DMD: variants seen among roughly 807,000 people sequenced by gnomAD.
DMD encodes dystrophin, also known as mutant dystrophin.
DMD carries 63 observed loss-of-function variants against 330.1 expected under a neutral mutation model. The ratio of observed to expected loss-of-function variants is 0.19; its 90% confidence interval spans 0.16 to 0.24. The LOEUF (loss-of-function observed/expected upper bound fraction) is 0.24, where lower values mean the gene tolerates loss of function less well. Ranked by LOEUF, DMD falls within the 10% of genes least tolerant of loss-of-function variation. The probability of loss-of-function intolerance (pLI) is 1.00; values close to 1 mark genes in which losing one functional copy is unlikely to be tolerated. For synonymous variants in DMD, 1,223 were observed against 959.8 expected, an observed-to-expected ratio of 1.27 and a Z score of -5.07; for missense variants, 3,344 against 2,684.1, an observed-to-expected ratio of 1.25 and a Z score of -5.43.
chrX:32,411,141 T>C (rs1230193918), intron 30 of DMD, among the ~76,000 whole-genome samples: 2 of 110,766 alleles, frequency 1.8e-5, no homozygotes, highest in East Asian at 2.9e-4. Context: ...TTTTCTTTTT[T>C]TCTTTTTATA....
At chrX:31,869,104 T>C (rs1603504596) in intron 48 of DMD, among the ~76,000 whole-genome samples, 1 of 111,863 alleles carries the variant, frequency 8.9e-6, no homozygotes, top group East Asian at 2.8e-4. Context: ...CAGTACAGTA[T>C]CGTTAACTAT....
chrX:32,458,314 G>A (rs1336869079), intron 25 of DMD, among the ~76,000 whole-genome samples: 2 of 111,264 alleles, frequency 1.8e-5, no homozygotes, highest in Admixed American at 9.6e-5. Context: ...GTTCATCTAT[G>A]CTGCTGCAAA....
At chrX:32,836,928 C>G (rs1260123816) in intron 4 of DMD, among the ~76,000 whole-genome samples, 1 of 111,632 alleles carries the variant, frequency 9.0e-6, no homozygotes, top group African/African-American at 3.3e-5. Flanking sequence ...AAGTTTACGA[C>G]GAAGAGCAGA....
chrX:32,029,888 A>T (rs1029789808), intron 44 of DMD, among the ~76,000 whole-genome samples: 8 of 111,693 alleles, frequency 7.2e-5, no homozygotes, highest in Non-Finnish European at 1.5e-4. Flanking sequence ...TGTGCTCATT[A>T]TCCACTAGTT....
chrX:32,702,401 A>G (rs1337868750), intron 7 of DMD, among the ~76,000 whole-genome samples: 1 of 111,535 alleles, frequency 9.0e-6, no homozygotes, highest in African/African-American at 3.3e-5. Flanking sequence ...GAATATGTAG[A>G]ATAAACATGC....
chrX:31,321,583 C>CAAAAAAAAAAAAAAAAAAAAAAA (rs1190446358), intron 62 of DMD, among the ~76,000 whole-genome samples: 1 of 10,472 alleles, frequency 9.5e-5, no homozygotes, highest in Non-Finnish European at 1.5e-4. Flanking sequence ...AACTCCATCT[C>CAAAAAAAAAAAAAAAAAAAAAAA]AAAAAAAAAA....
Position 32,605,385 on chromosome X carries a change from C to A in DMD, c.1482+8918G>T, listed in dbSNP as rs1417902402. 2.7e-5 allele frequency among the ~76,000 whole-genome samples: 3 copies of A among 110,125 alleles called. No homozygotes were observed. The Admixed American group carries it at 2.9e-4, about 11-fold the overall frequency. The stretch of plus-strand genomic sequence containing the variant: ...AGAATGAAACTGGGTCATAAATCAC[C>A]ATATACAAAAATTAACTCAAAATGT... On this transcript the variant is annotated intron_variant, in intron 12 of 78. Transcript: ENST00000357033.
At position 32,573,566 on chromosome X, in the gene DMD, A is replaced by C. The variant is rs768672229; in HGVS notation, c.1776T>G (p.Asp592Glu). The change falls in exon 15 of 79, where the codon GAT becomes GAG. Residue 592 changes from aspartate to glutamate, a missense_variant. Transcript: ENST00000357033. ...GAAGACTTGATAACATTTCATTTTG[A>C]TCTTTAAAGCCAGTTGTGTGAATCT... ...VNKIHTTGFK[D>E]QNEMLSSLQK... 1.1e-5 allele frequency: 13 copies of C among 1,210,293 alleles called. 1 individual carries two copies. The Admixed American group carries it at 2.6e-4, about 24-fold the overall frequency.
intron 65 of DMD, among the ~76,000 whole-genome samples, chrX:31,207,545 G>T (rs2148573526): frequency 8.9e-6 from 1 of 112,148 alleles, no homozygotes; most frequent in Non-Finnish European, 1.9e-5. Context: ...ATACCATGCA[G>T]CTATAAAAAA....
rs910934007 is a variant in DMD at position 32,864,162 on chromosome X, C to A, written c.94-14342G>T. Reference sequence around the variant, plus strand: ...CTCTACCTCATGTATCAGAAAGATGCGAGTTACACACATCGACTGGTTTAT... The same window carrying A: ...CTCTACCTCATGTATCAGAAAGATGAGAGTTACACACATCGACTGGTTTAT... On this transcript the variant is annotated intron_variant, in intron 2 of 78. Coordinates refer to ENST00000357033, the MANE Select transcript of DMD (RefSeq NM_004006.3). 1.8e-4 allele frequency among the ~76,000 whole-genome samples: 20 copies of A among 110,038 alleles called. No homozygotes were observed. The Admixed American group carries it at 1.9e-3, about 10-fold the overall frequency.
chrX:32,612,923 C>A (rs1481083895), intron 12 of DMD, among the ~76,000 whole-genome samples: 2 of 110,968 alleles, frequency 1.8e-5, no homozygotes, highest in Non-Finnish European at 3.8e-5. Context: ...TTAAAAAAAA[C>A]TCTAGAACTT....
chrX:31,957,995 G>A (rs912784268), intron 45 of DMD, among the ~76,000 whole-genome samples: 1 of 108,917 alleles, frequency 9.2e-6, no homozygotes, highest in African/African-American at 3.3e-5. Flanking sequence ...GTAAATAAGT[G>A]TTTCTAATTA....
At chrX:32,501,124 A>C (rs1456908717) in intron 19 of DMD, among the ~76,000 whole-genome samples, 2 of 112,145 alleles carry the variant, frequency 1.8e-5, no homozygotes, top group Non-Finnish European at 3.8e-5. Flanking sequence ...TGGTACACAT[A>C]ACTTTTGAGG....
chrX:31,531,673 G>T (rs191565734), intron 55 of DMD, among the ~76,000 whole-genome samples: 2,571 of 107,184 alleles, frequency 0.024, 32 homozygotes, highest in Non-Finnish European at 0.031. Flanking sequence ...AGAAGCTCTT[G>T]AGTTTAATTA....
At chrX:32,085,417 A>C (rs146179441) in intron 44 of DMD, among the ~76,000 whole-genome samples, 1,483 of 108,923 alleles carry the variant, frequency 0.014, 24 homozygotes, top group African/African-American at 0.047. Context: ...TGTAGCCATT[A>C]ATTTATCACT....
intron 1 of DMD, among the ~76,000 whole-genome samples, chrX:33,234,904 GATTTACTGGACAATTGTCC>G (rs750837054): frequency 8.9e-5 from 10 of 111,783 alleles, no homozygotes; most frequent in South Asian, 7.6e-4. Context: ...TCACCACATG[GATTTACTGGACAATTGTCC>G]ATTTACTGGA....
At chrX:32,498,585 A>T (rs1400002837) in intron 19 of DMD, among the ~76,000 whole-genome samples, 7 of 111,608 alleles carry the variant, frequency 6.3e-5, no homozygotes, top group Non-Finnish European at 1.3e-4. Flanking sequence ...TTGGTTAAAA[A>T]TTCCAAATAA....
chrX:33,008,108 C>A (rs1340372569), intron 2 of DMD, among the ~76,000 whole-genome samples: 1 of 111,418 alleles, frequency 9.0e-6, no homozygotes, highest in Non-Finnish European at 1.9e-5. Flanking sequence ...TGGACAAGAC[C>A]GAAAGTGATC....
In DMD at chrX:32,441,091, G is replaced by A; in HGVS notation, c.3921+89C>T. 3 of 1,009,060 alleles carry A rather than the reference G, an allele frequency of 3.0e-6. No homozygotes were observed. In the South Asian group the frequency reaches 5.9e-5, roughly 20 times the overall value. The allele number at this position is 1,009,060 out of a possible 1,213,427, so 83.2% of individuals were successfully genotyped here. The stretch of plus-strand genomic sequence containing the variant: ...CATAGTAATTATACTCTCTTGGGTT[G>A]TTTTCTTTGGATTTGTCTTCTATTT... On this transcript the variant is annotated intron_variant, in intron 28 of 78. Transcript: ENST00000357033.
Sources: gnomAD v4.1 joint callset for allele counts (sites outside exome capture counted in the v4.1 genomes callset) on GRCh38, gnomAD v4.1.1 for gene constraint, MANE v1.5 for transcripts, NCBI Gene and HGNC (gene_info 2026-07-23, HGNC 2026-07-21) for gene names.